The following GALNT13 variants were observed in gnomAD, a reference collection of about 807,000 sequenced individuals.
GALNT13 encodes polypeptide N-acetylgalactosaminyltransferase 13, also known as UDP-GalNAc:polypeptide N-acetylgalactosaminyltransferase 13.
A neutral mutation model predicts 64.2 loss-of-function variants in GALNT13; 28 were observed. That is an observed-to-expected ratio of 0.44 (90% CI 0.32 to 0.60). The LOEUF (loss-of-function observed/expected upper bound fraction) is 0.60. GALNT13 is among the 20% of genes least tolerant of loss of function. GALNT13 has a pLI of 0.05. For synonymous variants in GALNT13, 214 were observed against 224.6 expected, an observed-to-expected ratio of 0.95 and a Z score of 0.42; for missense variants, 577 against 669.8, an observed-to-expected ratio of 0.86 and a Z score of 1.53.
intron 8 of GALNT13, among the ~76,000 whole-genome samples, chr2:154,272,642 C>T (rs1411015804): frequency 2.0e-5 from 3 of 152,062 alleles, no homozygotes; most frequent in Non-Finnish European, 4.4e-5. Context: ...AGTTTCATAT[C>T]CCCTTAAGGC....
the GALNT13 span, among the ~76,000 whole-genome samples, chr2:153,386,069 T>C: frequency 6.6e-6 from 1 of 151,902 alleles, no homozygotes. Flanking sequence ...CTTAAGAGAT[T>C]TGGGGGGGTT....
chr2:153,384,705 A>G, the GALNT13 span, among the ~76,000 whole-genome samples: 1 of 152,124 alleles, frequency 6.6e-6, no homozygotes, highest in African/African-American at 2.4e-5. Context: ...CATCCAGTCT[A>G]GTTAAGTGAC....
At chr2:153,474,634 C>A in the GALNT13 span, among the ~76,000 whole-genome samples, 6 of 152,164 alleles carry the variant, frequency 3.9e-5, no homozygotes, top group Non-Finnish European at 7.3e-5. Context: ...CAGAGGCCAC[C>A]CAATTAAGCT....
chr2:153,073,790 A>G, the GALNT13 span, among the ~76,000 whole-genome samples: 1 of 152,180 alleles, frequency 6.6e-6, no homozygotes, highest in South Asian at 2.1e-4. Context: ...CAGGATCTGA[A>G]TAAGATCTGT....
chr2:153,441,945 C>T, the GALNT13 span, among the ~76,000 whole-genome samples: 1 of 152,276 alleles, frequency 6.6e-6, no homozygotes, highest in African/African-American at 2.4e-5. Flanking sequence ...TTATTTCTTT[C>T]TCTTTCCTGG....
chr2:154,362,956 ATT>A (rs947251690), intron 9 of GALNT13, among the ~76,000 whole-genome samples: 48 of 152,280 alleles, frequency 3.2e-4, no homozygotes, highest in African/African-American at 1.1e-3. Context: ...TTGTCAGTTT[ATT>A]TTTGAGTTAC....
At chr2:153,335,318 T>G in the GALNT13 span, among the ~76,000 whole-genome samples, 1 of 152,150 alleles carries the variant, frequency 6.6e-6, no homozygotes, top group Non-Finnish European at 1.5e-5. Flanking sequence ...TTGGAACAGT[T>G]TGAAGAGCTC....
intron 9 of GALNT13, among the ~76,000 whole-genome samples, chr2:154,353,589 GC>G (rs1382758383): frequency 3.3e-5 from 5 of 151,906 alleles, no homozygotes; most frequent in Non-Finnish European, 2.9e-5. Context: ...TCCACCCTGG[GC>G]CCTGTTAGCC....
chr2:154,334,524 C>T (rs1298384788), intron 9 of GALNT13, among the ~76,000 whole-genome samples: 1 of 152,092 alleles, frequency 6.6e-6, no homozygotes, highest in South Asian at 2.1e-4. Flanking sequence ...ATCTAACCTC[C>T]ACTACATCAA....
At chr2:153,379,177 T>C in the GALNT13 span, among the ~76,000 whole-genome samples, 1 of 152,174 alleles carries the variant, frequency 6.6e-6, no homozygotes, top group Non-Finnish European at 1.5e-5. Context: ...GCCAAGCTCA[T>C]TTTGAAAAAC....
the GALNT13 span, among the ~76,000 whole-genome samples, chr2:153,171,117 T>A: frequency 6.6e-6 from 1 of 152,238 alleles, no homozygotes; most frequent in Non-Finnish European, 1.5e-5. Flanking sequence ...TACTCCTGTA[T>A]CAGCCTGGGG....
intron 4 of GALNT13, among the ~76,000 whole-genome samples, chr2:154,207,700 A>T (rs1346041038): frequency 6.6e-6 from 1 of 152,198 alleles, no homozygotes; most frequent in Non-Finnish European, 1.5e-5. Context: ...ACAGGGAAGA[A>T]CTGAGTTGAA....
chr2:153,107,498 C>A, the GALNT13 span, among the ~76,000 whole-genome samples: 1 of 152,022 alleles, frequency 6.6e-6, no homozygotes, highest in African/African-American at 2.4e-5. Context: ...ATTATCACTG[C>A]ATTAATCTGA....
chr2:153,108,052 AT>A, the GALNT13 span, among the ~76,000 whole-genome samples: 1 of 151,980 alleles, frequency 6.6e-6, no homozygotes, highest in South Asian at 2.1e-4. Flanking sequence ...TAATTTTTGT[AT>A]TTTTAGTAGA....
the GALNT13 span, among the ~76,000 whole-genome samples, chr2:153,494,528 A>T: frequency 2.6e-5 from 4 of 152,078 alleles, no homozygotes. Context: ...TTTCTTTTAG[A>T]TGTTGCTAGG....
the GALNT13 span, among the ~76,000 whole-genome samples, chr2:153,490,234 T>C: frequency 0.57 from 87,221 of 152,106 alleles, 27,845 homozygotes; most frequent in African/African-American, 0.84. Flanking sequence ...TTTCCATTAA[T>C]TTACTGGAAA....
At chr2:154,313,216 C>T (rs895969096) in intron 9 of GALNT13, among the ~76,000 whole-genome samples, 2 of 148,022 alleles carry the variant, frequency 1.4e-5, no homozygotes, top group African/African-American at 5.0e-5. Context: ...TGTATACATA[C>T]ACACACACTA....
chr2:153,166,097 TAAAGATTCCC>T, the GALNT13 span, among the ~76,000 whole-genome samples: 1 of 152,148 alleles, frequency 6.6e-6, no homozygotes, highest in Non-Finnish European at 1.5e-5. Flanking sequence ...AGGGGAAGCC[TAAAGATTCCC>T]AAAGATTCCC....
the GALNT13 span, among the ~76,000 whole-genome samples, chr2:153,588,388 C>T: frequency 6.6e-6 from 1 of 152,196 alleles, no homozygotes; most frequent in African/African-American, 2.4e-5. Context: ...GGCATCCAGA[C>T]ATTTCCATAC....
Sources: allele counts gnomAD v4.1 joint callset (sites outside exome capture counted in the v4.1 genomes callset), GRCh38; gene constraint gnomAD v4.1.1; transcripts MANE v1.5; gene names NCBI Gene and HGNC (gene_info 2026-07-23, HGNC 2026-07-21).